Variants in SLIT3 observed in about 807,000 individuals in gnomAD.
SLIT3 encodes the protein slit homolog 3 protein.
Under a neutral mutation model 184.0 loss-of-function variants are expected in SLIT3, and 68 were observed. The ratio of observed to expected loss-of-function variants is 0.37; its 90% CI spans 0.30 to 0.45. The LOEUF (loss-of-function observed/expected upper bound fraction) is 0.45, where lower values mean the gene tolerates loss of function less well. Ranked by LOEUF, SLIT3 falls within the 20% of genes least tolerant of loss-of-function variation. The pLI is 1.00. For synonymous variants in SLIT3, 831 were observed against 828.6 expected (o/e 1.00, Z -0.05); for missense variants, 1,707 against 2,026.0 (o/e 0.84, Z 3.02).
rs1761236702 is a variant in SLIT3, at chr5:168,671,368, C to A, written c.3957G>T (p.Lys1319Asn). ...VRINNELQDF[K>N]ALPPQSLGVS... Reference sequence around the variant, plus strand: ...CCCCCAGGGACTGTGGTGGGAGGGCCTTGAAGTCCTGCAGCTCGTTGTTGA... The same window carrying A: ...CCCCCAGGGACTGTGGTGGGAGGGCATTGAAGTCCTGCAGCTCGTTGTTGA... Residue 1319 changes from lysine to asparagine, a missense_variant, in exon 34 of 36, where the codon AAG (lysine) becomes AAT (asparagine). This residue lies in a region of SLIT3 where 387 missense variants were observed against 477.9 expected (regional missense o/e 0.81). Transcript: ENST00000519560. 6.2e-7 allele frequency: 1 copy of A among 1,614,052 alleles called. No individual in the cohort carries two copies. Among genetic ancestry groups the A allele is most frequent in the Non-Finnish European group, 8.5e-7 (1 of 1,180,036 alleles).
At chr5:169,035,228 G>A (rs1757192506) in intron 4 of SLIT3, among the ~76,000 whole-genome samples, 1 of 152,136 alleles carries the variant, frequency 6.6e-6, no homozygotes, top group South Asian at 2.1e-4. Context: ...TCACTGTTAT[G>A]TTATCCAGAG....
At chr5:169,007,212 TC>T (rs1265799465) in intron 4 of SLIT3, among the ~76,000 whole-genome samples, 1 of 152,202 alleles carries the variant, frequency 6.6e-6, no homozygotes, top group Admixed American at 6.5e-5. Flanking sequence ...TCCTGAGGCC[TC>T]CTCAGCCATG....
At chr5:168,974,048 C>T (rs1433590527) in intron 4 of SLIT3, among the ~76,000 whole-genome samples, 1 of 152,222 alleles carries the variant, frequency 6.6e-6, no homozygotes, top group Admixed American at 6.5e-5. Context: ...TTACACATTT[C>T]TTAAGAAGCT....
intron 4 of SLIT3, among the ~76,000 whole-genome samples, chr5:168,915,399 T>C (rs1761400171): frequency 6.6e-6 from 1 of 152,114 alleles, no homozygotes; most frequent in Admixed American, 6.5e-5. Context: ...AATTGATCAA[T>C]CTCGGCATGA....
At chr5:168,706,276 G>A (rs547610374) in intron 26 of SLIT3, among the ~76,000 whole-genome samples, 14 of 152,034 alleles carry the variant, frequency 9.2e-5, no homozygotes, top group African/African-American at 2.9e-4. Flanking sequence ...TGATTCTTAC[G>A]GCAAACCTAT....
intron 4 of SLIT3, among the ~76,000 whole-genome samples, chr5:169,183,027 T>A (rs1763219408): frequency 6.6e-6 from 1 of 152,154 alleles, no homozygotes; most frequent in African/African-American, 2.4e-5. Flanking sequence ...GCCAAGGAAG[T>A]CTGAGAAAGA....
Position 169,183,977 on chromosome 5 carries a change from C to T in SLIT3, c.413+9502G>A, listed in dbSNP as rs755300481. ...AGCTGGCAGAATGTACTTCTCAGTA[C>T]AAGTATTGCCCGATCACTTTAGAAA... On this transcript the variant is annotated intron_variant, in intron 4 of 35. Transcript: ENST00000519560. 2.0e-5 allele frequency among the ~76,000 whole-genome samples: 3 copies of T among 152,170 alleles called. No homozygotes were observed. In the South Asian group the frequency reaches 6.2e-4, roughly 31 times the overall value.
intron 4 of SLIT3, among the ~76,000 whole-genome samples, chr5:169,014,354 G>A (rs1408299766): frequency 6.6e-6 from 1 of 152,164 alleles, no homozygotes; most frequent in African/African-American, 2.4e-5. Flanking sequence ...GAATACCTAA[G>A]TCCATGGAGT....
intron 4 of SLIT3, among the ~76,000 whole-genome samples, chr5:168,932,105 T>C (rs189479023): frequency 6.6e-6 from 1 of 152,104 alleles, no homozygotes; most frequent in Admixed American, 6.5e-5. Flanking sequence ...AGGCTCTTCA[T>C]AAGATGGAGG....
At chr5:168,790,731 A>AG (rs901082271) in intron 10 of SLIT3, 20 of 152,216 alleles carry the variant, frequency 1.3e-4, no homozygotes, top group African/African-American at 4.8e-4. Flanking sequence ...GAGAATGTGG[A>AG]GAAAAAAAAG....
rs762042720 is a variant in SLIT3 at position 168,772,774 on chromosome 5, T to TG, written c.1459+6dup. The TG allele has an allele frequency of 2.8e-4, 446 of 1,614,128 alleles. No homozygotes were observed. Among genetic ancestry groups the TG allele is most frequent in the Non-Finnish European group, 1.4e-4 (168 of 1,179,990 alleles). ...GAAAGCGGGGCCCAGCCCCGTAACC[T>TG]GATTACCTGAGCAGCGGAACTTCTT... On this transcript the variant is annotated splice_region_variant and intron_variant, in intron 14 of 35. Transcript: ENST00000519560.
intron 10 of SLIT3, 132 bp downstream of exon 10, chr5:168,795,375 T>G: frequency 1.4e-6 from 1 of 720,688 alleles, no homozygotes; most frequent in South Asian, 1.6e-5. Flanking sequence ...AGGACAGCGT[T>G]CCAGGTCTGA....
intron 4 of SLIT3, among the ~76,000 whole-genome samples, chr5:169,096,916 G>A (rs930827459): frequency 3.9e-5 from 6 of 152,320 alleles, no homozygotes; most frequent in East Asian, 1.9e-4. Context: ...ATATTACAAT[G>A]TCGTCCTACT....
intron 4 of SLIT3, among the ~76,000 whole-genome samples, chr5:169,050,396 TCCAC>T: frequency 6.6e-6 from 1 of 152,312 alleles, no homozygotes; most frequent in African/African-American, 2.4e-5. Context: ...ACCCAGTCTA[TCCAC>T]CCATCCATCC....
intron 3 of SLIT3, among the ~76,000 whole-genome samples, chr5:169,242,508 T>A (rs993937056): frequency 6.6e-6 from 1 of 152,184 alleles, no homozygotes; most frequent in African/African-American, 2.4e-5. Context: ...CCATGTGAAA[T>A]TTTTCATGCT....
intron 15 of SLIT3, among the ~76,000 whole-genome samples, chr5:168,762,329 G>T (rs886909136): frequency 1.3e-5 from 2 of 152,174 alleles, no homozygotes; most frequent in African/African-American, 4.8e-5. Context: ...AATATGTGTA[G>T]AATGAAGGAA....
At chr5:168,866,198 C>T (rs530137040) in intron 5 of SLIT3, among the ~76,000 whole-genome samples, 2 of 152,302 alleles carry the variant, frequency 1.3e-5, no homozygotes, top group Admixed American at 6.5e-5. Flanking sequence ...TGCTGAAAGC[C>T]GGGCCAGACT....
chr5:169,237,311 A>G (rs1356458739), intron 3 of SLIT3, among the ~76,000 whole-genome samples: 5 of 152,214 alleles, frequency 3.3e-5, no homozygotes, highest in Admixed American at 2.0e-4. Flanking sequence ...TGATAAATGC[A>G]TAGTGTCACG....
chr5:169,239,387 AT>A (rs139856777), intron 3 of SLIT3, among the ~76,000 whole-genome samples: 1,887 of 152,246 alleles, frequency 0.012, 37 homozygotes, highest in African/African-American at 0.043. Flanking sequence ...ATGAGTTTGT[AT>A]TAAGTTGCTA....
Sources: allele counts gnomAD v4.1 joint callset (sites outside exome capture counted in the v4.1 genomes callset), GRCh38; gene constraint gnomAD v4.1.1; regional missense constraint gnomAD v4.1.1; transcripts MANE v1.5; gene names NCBI Gene and HGNC (gene_info 2026-07-23, HGNC 2026-07-21).